Variants in KCTD8 observed in about 807,000 individuals in gnomAD.
KCTD8 encodes the protein BTB/POZ domain-containing protein KCTD8.
In KCTD8, 27 loss-of-function variants were observed where a neutral mutation model predicts 31.5. That is an observed-to-expected ratio of 0.86 (90% CI 0.63 to 1.18). The LOEUF is 1.18. KCTD8 is among the 50% of genes most tolerant of loss of function. KCTD8 has a pLI of 0.00. For missense variants in KCTD8, 658 were observed against 647.7 expected, an observed-to-expected ratio of 1.02 and a Z score of -0.17; for synonymous variants, 290 against 280.0, an observed-to-expected ratio of 1.04 and a Z score of -0.36.
At chr4:44,323,901 A>C (rs1718372109) in intron 1 of KCTD8, among the ~76,000 whole-genome samples, 1 of 151,946 alleles carries the variant, frequency 6.6e-6, no homozygotes, top group African/African-American at 2.4e-5. Context: ...GCCATTATAG[A>C]CTGTTCTAGG....
At position 44,267,795 on chromosome 4, in the gene KCTD8, A is replaced by G. The variant is rs112879703; in HGVS notation, c.962-92545T>C. Reference sequence around the variant, plus strand: ...ACGCAAATAAACTAGAAAATCTAGAAGAAATGGTAAATCCCTCGACACATA... The same window carrying G: ...ACGCAAATAAACTAGAAAATCTAGAGGAAATGGTAAATCCCTCGACACATA... On this transcript the variant is annotated intron_variant, in intron 1 of 1. Coordinates refer to ENST00000360029, the MANE Select transcript of KCTD8 (RefSeq NM_198353.3). Among the ~76,000 whole-genome samples, 1,071 of 152,374 alleles carry G rather than the reference A, an allele frequency of 7.0e-3. 11 individuals carry two copies. Among genetic ancestry groups the G allele is most frequent in the African/African-American group, 0.025 (1,019 of 41,590 alleles).
At chr4:44,249,665 A>G (rs1281963153) in intron 1 of KCTD8, among the ~76,000 whole-genome samples, 2 of 151,856 alleles carry the variant, frequency 1.3e-5, no homozygotes, top group East Asian at 3.9e-4. Context: ...TCTCTATCCA[A>G]CTATGTACAG....
intron 1 of KCTD8, among the ~76,000 whole-genome samples, chr4:44,323,292 G>A (rs1347121962): frequency 1.3e-5 from 2 of 151,832 alleles, no homozygotes; most frequent in Non-Finnish European, 2.9e-5. Context: ...TCAGGAGTTC[G>A]AGACCAGCCT....
chr4:44,367,794 C>T (rs1719679963), intron 1 of KCTD8, among the ~76,000 whole-genome samples: 2 of 151,172 alleles, frequency 1.3e-5, no homozygotes, highest in Non-Finnish European at 2.9e-5. Context: ...CTACAGAAAC[C>T]ATCACTCATC....
intron 1 of KCTD8, among the ~76,000 whole-genome samples, chr4:44,442,271 A>T (rs890347688): frequency 3.3e-5 from 5 of 152,160 alleles, no homozygotes; most frequent in African/African-American, 1.2e-4. Context: ...ACATTTAAAG[A>T]TATAGATTAT....
intron 1 of KCTD8, among the ~76,000 whole-genome samples, chr4:44,398,121 T>A (rs1378090138): frequency 6.6e-6 from 1 of 152,186 alleles, no homozygotes. Context: ...CGAGAAAATC[T>A]TTAAAAAGTT....
At chr4:44,425,766 C>A (rs1721330481) in intron 1 of KCTD8, among the ~76,000 whole-genome samples, 1 of 151,948 alleles carries the variant, frequency 6.6e-6, no homozygotes. Context: ...TCAACGCAAT[C>A]TATCCATCAT....
chr4:44,276,747 T>C (rs1716761299), intron 1 of KCTD8, among the ~76,000 whole-genome samples: 1 of 152,016 alleles, frequency 6.6e-6, no homozygotes, highest in South Asian at 2.1e-4. Flanking sequence ...GCTATTTTAC[T>C]CAGCTTAAAT....
chr4:44,410,950 T>C (rs1307998047), intron 1 of KCTD8, among the ~76,000 whole-genome samples: 5 of 152,134 alleles, frequency 3.3e-5, no homozygotes, highest in Admixed American at 3.3e-4. Flanking sequence ...TATTACATAA[T>C]AAAATGTCTC....
intron 1 of KCTD8, among the ~76,000 whole-genome samples, chr4:44,293,056 T>C (rs1284593139): frequency 2.0e-5 from 3 of 152,096 alleles, no homozygotes. Context: ...CATTAAGAGA[T>C]GTTGATAAAA....
chr4:44,279,204 A>C (rs1274621761), intron 1 of KCTD8, among the ~76,000 whole-genome samples: 1 of 152,096 alleles, frequency 6.6e-6, no homozygotes, highest in African/African-American at 2.4e-5. Flanking sequence ...AAATTCATTT[A>C]TTATCTCACA....
chr4:44,282,769 A>T (rs1252067298), intron 1 of KCTD8, among the ~76,000 whole-genome samples: 2 of 152,120 alleles, frequency 1.3e-5, no homozygotes, highest in African/African-American at 2.4e-5. Flanking sequence ...CAGTCACAAC[A>T]TTCCATTTAG....
At position 44,421,953 on chromosome 4, in the gene KCTD8, A is replaced by C. The variant is rs564738952; in HGVS notation, c.961+25610T>G. ...TTAAATTATTCTGTGCTGAATAATA[A>C]TCATCTGATCTGTGCATGGGCATTA... On this transcript the variant is annotated intron_variant, in intron 1 of 1. Coordinates refer to ENST00000360029, the MANE Select transcript of KCTD8 (RefSeq NM_198353.3). 4.6e-5 allele frequency among the ~76,000 whole-genome samples: 7 copies of C among 152,284 alleles called. No individual in the cohort carries two copies. In the South Asian group the frequency reaches 1.4e-3, roughly 32 times the overall value.
chr4:44,269,199 T>C (rs1174350828), intron 1 of KCTD8, among the ~76,000 whole-genome samples: 1 of 151,896 alleles, frequency 6.6e-6, no homozygotes. Context: ...AGAGATATGA[T>C]CAATGGAACA....
intron 1 of KCTD8, among the ~76,000 whole-genome samples, chr4:44,349,959 G>T: frequency 6.6e-6 from 1 of 152,150 alleles, no homozygotes; most frequent in East Asian, 1.9e-4. Flanking sequence ...CAGAGCTAGA[G>T]AGAGACAAGC....
At chr4:44,265,662 G>A (rs1437776039) in intron 1 of KCTD8, among the ~76,000 whole-genome samples, 1 of 152,138 alleles carries the variant, frequency 6.6e-6, no homozygotes, top group Admixed American at 6.5e-5. Flanking sequence ...GTAGACAAAT[G>A]TATAACTAGA....
At chr4:44,371,302 A>G (rs1719779961) in intron 1 of KCTD8, among the ~76,000 whole-genome samples, 1 of 152,204 alleles carries the variant, frequency 6.6e-6, no homozygotes, top group South Asian at 2.1e-4. Flanking sequence ...AGGTACTTCC[A>G]GAAATACTGT....
At chr4:44,291,629 T>C (rs115584837) in intron 1 of KCTD8, among the ~76,000 whole-genome samples, 4,940 of 152,078 alleles carry the variant, frequency 0.032, 113 homozygotes, top group Middle Eastern at 0.051. Context: ...AAGTAATACC[T>C]AATTAAATGA....
intron 1 of KCTD8, among the ~76,000 whole-genome samples, chr4:44,432,693 C>T (rs1279919773): frequency 6.6e-6 from 1 of 151,644 alleles, no homozygotes; most frequent in African/African-American, 2.4e-5. Flanking sequence ...CAAATGAGGT[C>T]AATCCCATTA....
Sources: allele counts gnomAD v4.1 joint callset (sites outside exome capture counted in the v4.1 genomes callset), GRCh38; gene constraint gnomAD v4.1.1; transcripts MANE v1.5; gene names NCBI Gene and HGNC (gene_info 2026-07-23, HGNC 2026-07-21).